Variants in KCND2 observed in about 807,000 individuals in gnomAD.
The protein encoded by KCND2 is potassium voltage-gated channel subfamily D member 2, also known as A-type voltage-gated potassium channel KCND2.
In KCND2, 16 loss-of-function variants were observed where a neutral mutation model predicts 54.4. That is an observed-to-expected ratio of 0.29 (90% CI 0.20 to 0.45). KCND2 has a LOEUF of 0.45. Among genes scored for constraint, KCND2 ranks in the 20% least tolerant of loss-of-function variants. The probability of loss-of-function intolerance (pLI) is 1.00; values close to 1 mark genes in which losing one functional copy is unlikely to be tolerated. For missense variants in KCND2, 486 were observed against 824.2 expected (o/e 0.59, Z 5.02); for synonymous variants, 317 against 310.7 (o/e 1.02, Z -0.21).
chr7:120,554,399 CT>C (rs1010054995), intron 1 of KCND2, among the ~76,000 whole-genome samples: 107 of 147,184 alleles, frequency 7.3e-4, no homozygotes, highest in Middle Eastern at 3.5e-3. Flanking sequence ...TGAGAATTTA[CT>C]TTTTTTTTTT....
At chr7:120,315,154 C>A (rs1799795042) in intron 1 of KCND2, among the ~76,000 whole-genome samples, 1 of 152,144 alleles carries the variant, frequency 6.6e-6, no homozygotes, top group Non-Finnish European at 1.5e-5. Flanking sequence ...CAGATCCATG[C>A]AAGCTTGAAA....
intron 1 of KCND2, among the ~76,000 whole-genome samples, chr7:120,371,366 G>T (rs1189154844): frequency 1.3e-5 from 2 of 152,060 alleles, no homozygotes; most frequent in East Asian, 3.9e-4. Context: ...ATTTTCCAAA[G>T]GTGGCAAGTA....
intron 1 of KCND2, among the ~76,000 whole-genome samples, chr7:120,534,533 A>T (rs971653517): frequency 6.6e-6 from 1 of 152,094 alleles, no homozygotes; most frequent in African/African-American, 2.4e-5. Context: ...ACCTAAATGA[A>T]AGGTGGTGTC....
chr7:120,538,870 G>A (rs73437877), intron 1 of KCND2, among the ~76,000 whole-genome samples: 4,507 of 152,210 alleles, frequency 0.03, 194 homozygotes, highest in African/African-American at 0.1. Context: ...TGGATATACA[G>A]GCTGGAGGAC....
At chr7:120,599,296 C>G (rs187831980) in intron 1 of KCND2, among the ~76,000 whole-genome samples, 79 of 151,916 alleles carry the variant, frequency 5.2e-4, no homozygotes, top group African/African-American at 1.8e-3. Context: ...CTCTAACATT[C>G]CTCTTCTTCT....
chr7:120,418,693 A>T (rs148818164), intron 1 of KCND2, among the ~76,000 whole-genome samples: 1 of 152,278 alleles, frequency 6.6e-6, no homozygotes, highest in East Asian at 1.9e-4. Context: ...GTCTGACTCC[A>T]ATTCACCAAT....
chr7:120,273,021 A>G (rs1799099899), upstream of KCND2, among the ~76,000 whole-genome samples: 1 of 151,786 alleles, frequency 6.6e-6, no homozygotes, highest in South Asian at 2.1e-4. Context: ...TGTTCATCCG[A>G]GGCTCGCTTT....
intron 1 of KCND2, among the ~76,000 whole-genome samples, chr7:120,704,045 G>A (rs1212028508): frequency 2.0e-5 from 3 of 152,136 alleles, no homozygotes. Context: ...TATGTGCCAA[G>A]CACTATGCTA....
chr7:120,659,401 C>T (rs1387532233), intron 1 of KCND2, among the ~76,000 whole-genome samples: 1 of 152,184 alleles, frequency 6.6e-6, no homozygotes. Context: ...CATGCAGTCT[C>T]CTTGACTAGA....
chr7:120,604,531 T>C (rs1446219506), intron 1 of KCND2, among the ~76,000 whole-genome samples: 1 of 147,420 alleles, frequency 6.8e-6, no homozygotes, highest in African/African-American at 2.5e-5. Flanking sequence ...ATAATAATAA[T>C]AATAATAATA....
chr7:120,348,809 T>C (rs892336783), intron 1 of KCND2, among the ~76,000 whole-genome samples: 2 of 152,240 alleles, frequency 1.3e-5, no homozygotes, highest in African/African-American at 4.8e-5. Context: ...TCTAAATTTA[T>C]ATAGTAAAAG....
chr7:120,445,690 A>G (rs924819558), intron 1 of KCND2, among the ~76,000 whole-genome samples: 1 of 152,180 alleles, frequency 6.6e-6, no homozygotes, highest in East Asian at 1.9e-4. Context: ...GAAACTAAAG[A>G]TAAACCAACA....
chr7:120,552,365 AGTATATATTTTCTTT>A (rs1199824581), intron 1 of KCND2, among the ~76,000 whole-genome samples: 3 of 152,202 alleles, frequency 2.0e-5, no homozygotes, highest in Non-Finnish European at 4.4e-5. Context: ...TAGGGGAGGA[AGTATATATTTTCTTT>A]CTACCTTTCT....
At chr7:120,447,371 A>AAAAAAG (rs1016640518) in intron 1 of KCND2, among the ~76,000 whole-genome samples, 8 of 152,068 alleles carry the variant, frequency 5.3e-5, no homozygotes, top group Admixed American at 3.3e-4. Flanking sequence ...AAAAAGAAAA[A>AAAAAAG]AAAAAGAAAA....
chr7:120,707,753 A>G (rs892736357), intron 1 of KCND2, among the ~76,000 whole-genome samples: 10 of 152,032 alleles, frequency 6.6e-5, no homozygotes, highest in African/African-American at 2.4e-4. Flanking sequence ...AAGTAGAGGG[A>G]CATTGTTTCT....
chr7:120,356,026 T>C (rs1800499084), intron 1 of KCND2, among the ~76,000 whole-genome samples: 1 of 152,160 alleles, frequency 6.6e-6, no homozygotes, highest in African/African-American at 2.4e-5. Flanking sequence ...TAAAGTGTTA[T>C]AGTTTAGAGG....
intron 1 of KCND2, among the ~76,000 whole-genome samples, chr7:120,669,629 C>T (rs1261834232): frequency 1.3e-5 from 2 of 152,044 alleles, no homozygotes; most frequent in African/African-American, 4.8e-5. Flanking sequence ...TAATGATTTC[C>T]GAAACCCTGA....
chr7:120,421,643 C>T (rs531995803), intron 1 of KCND2, among the ~76,000 whole-genome samples: 1 of 152,322 alleles, frequency 6.6e-6, no homozygotes, highest in African/African-American at 2.4e-5. Flanking sequence ...TTCGGAAATG[C>T]CTTTTGAAGA....
intron 1 of KCND2, among the ~76,000 whole-genome samples, chr7:120,405,484 C>A (rs1302465598): frequency 6.6e-6 from 1 of 152,106 alleles, no homozygotes; most frequent in African/African-American, 2.4e-5. Context: ...AGTGAAAGAT[C>A]ATGTCTTATT....
Sources: gnomAD v4.1 joint callset for allele counts (sites outside exome capture counted in the v4.1 genomes callset) on GRCh38, gnomAD v4.1.1 for gene constraint, MANE v1.5 for transcripts, NCBI Gene and HGNC (gene_info 2026-07-23, HGNC 2026-07-21) for gene names.